SESN1: variants seen among roughly 807,000 people sequenced by gnomAD.
SESN1 encodes the protein sestrin-1.
SESN1 carries 30 observed loss-of-function variants against 59.3 expected under a neutral mutation model. The ratio of observed to expected loss-of-function variants is 0.51; its 90% CI spans 0.38 to 0.69. The LOEUF (loss-of-function observed/expected upper bound fraction) is 0.69, where lower values mean the gene tolerates loss of function less well. Ranked by LOEUF, SESN1 falls within the 30% of genes least tolerant of loss-of-function variation. The pLI, the probability that SESN1 is intolerant of heterozygous loss-of-function variation, is 0.00. For missense variants in SESN1, 566 were observed against 673.0 expected, an observed-to-expected ratio of 0.84 and a Z score of 1.76; for synonymous variants, 197 against 219.9, an observed-to-expected ratio of 0.90 and a Z score of 0.92.
chr6:109,022,385 T>A (rs1035361012), intron 1 of SESN1, among the ~76,000 whole-genome samples: 5 of 150,682 alleles, frequency 3.3e-5, no homozygotes, highest in Non-Finnish European at 7.4e-5. Context: ...CTAAAACATA[T>A]GTATGCATCA....
At chr6:109,023,984 C>G (rs1331217001) in intron 1 of SESN1, among the ~76,000 whole-genome samples, 1 of 152,088 alleles carries the variant, frequency 6.6e-6, no homozygotes, top group African/African-American at 2.4e-5. Context: ...CACACACACA[C>G]ACCCTTAAAA....
intron 1 of SESN1, among the ~76,000 whole-genome samples, chr6:109,005,001 G>A (rs1306682267): frequency 6.6e-6 from 1 of 152,166 alleles, no homozygotes; most frequent in Non-Finnish European, 1.5e-5. Flanking sequence ...ACAACCGCTA[G>A]GAAGGGCAAT....
At chr6:109,010,221 A>C (rs1779834286) in intron 1 of SESN1, among the ~76,000 whole-genome samples, 2 of 152,170 alleles carry the variant, frequency 1.3e-5, no homozygotes, top group African/African-American at 4.8e-5. Flanking sequence ...ATAAAGACAG[A>C]ATTTCAATCT....
intron 1 of SESN1, among the ~76,000 whole-genome samples, chr6:109,044,373 A>AAAGGAAGAAAGG (rs1241783960): frequency 6.6e-6 from 1 of 150,530 alleles, no homozygotes; most frequent in Non-Finnish European, 1.5e-5. Context: ...TTCAATGGAG[A>AAAGGAAGAAAGG]AAGGAAGAAA....
At chr6:109,079,177 T>C (rs1781078930) in intron 1 of SESN1, among the ~76,000 whole-genome samples, 1 of 135,796 alleles carries the variant, frequency 7.4e-6, no homozygotes, top group Non-Finnish European at 1.6e-5. Context: ...TATAAAGTTA[T>C]TTTTCTGTGC....
rs201096524 is a variant in SESN1 at position 109,093,504 on chromosome 6, G to GA, written c.279+290dup. 1.4e-3 allele frequency among the ~76,000 whole-genome samples: 201 copies of GA among 148,446 alleles called. 2 individuals carry two copies. Among genetic ancestry groups the GA allele is most frequent in the Admixed American group, 3.4e-3 (51 of 14,896 alleles). On this transcript the variant is annotated intron_variant, in intron 1 of 9. Transcript: ENST00000436639. ...TACACTCAGAACACTGTGACAATGTGAAAAAAAAACACTGGCTACATTTTC... is the reference window on the plus strand; with the variant it reads ...TACACTCAGAACACTGTGACAATGTGAAAAAAAAAACACTGGCTACATTTTC...
chr6:109,002,208 C>T (rs1779640547), intron 2 of SESN1, 70 bp downstream of exon 2: 1 of 1,355,812 alleles, frequency 7.4e-7, no homozygotes, highest in African/African-American at 1.4e-5. Flanking sequence ...CTTCAGATGC[C>T]AACATGTGGG....
At chr6:109,037,921 AATTCCATT>A (rs1359688409) in intron 1 of SESN1, among the ~76,000 whole-genome samples, 5 of 151,902 alleles carry the variant, frequency 3.3e-5, no homozygotes, top group African/African-American at 9.7e-5. Context: ...TAAGCTGACT[AATTCCATT>A]ATCTTTTGTT....
intron 1 of SESN1, among the ~76,000 whole-genome samples, chr6:109,005,123 T>C (rs1025301415): frequency 1.3e-5 from 2 of 152,228 alleles, no homozygotes; most frequent in Non-Finnish European, 2.9e-5. Context: ...CGTAAAAGGA[T>C]AACCACTGCA....
At chr6:108,993,587 C>T (rs1338242597) in intron 6 of SESN1, among the ~76,000 whole-genome samples, 1 of 152,126 alleles carries the variant, frequency 6.6e-6, no homozygotes, top group Non-Finnish European at 1.5e-5. Flanking sequence ...ATTATATTGT[C>T]AAAATACATC....
chr6:109,076,757 T>G (rs1351552944), intron 1 of SESN1, among the ~76,000 whole-genome samples: 1 of 152,226 alleles, frequency 6.6e-6, no homozygotes, highest in African/African-American at 2.4e-5. Flanking sequence ...AAACTGAGAA[T>G]AAAAGTTAAT....
intron 1 of SESN1, among the ~76,000 whole-genome samples, chr6:109,004,345 CAG>C (rs1484448041): frequency 6.6e-6 from 1 of 151,508 alleles, no homozygotes; most frequent in African/African-American, 2.4e-5. Flanking sequence ...CAAAAGTAAA[CAG>C]AAAGCTAGGA....
intron 1 of SESN1, among the ~76,000 whole-genome samples, chr6:109,025,060 C>A (rs572464070): frequency 6.6e-6 from 1 of 152,212 alleles, no homozygotes; most frequent in East Asian, 1.9e-4. Context: ...GCACAGAAAA[C>A]AGAAGGCAAA....
At chr6:108,995,843 TC>T (rs1779493773) in intron 5 of SESN1, among the ~76,000 whole-genome samples, 1 of 152,090 alleles carries the variant, frequency 6.6e-6, no homozygotes, top group South Asian at 2.1e-4. Context: ...AATTAATGTT[TC>T]CCCCCTTATA....
At position 108,994,602 on chromosome 6, in the gene SESN1, T is replaced by A; in HGVS notation, c.980A>T (p.Asp327Val). The change falls in exon 6 of 10, where the codon GAT (aspartate) becomes GTT (valine). Residue 327 changes from aspartate (D) to valine (V), a missense_variant. By Grantham distance (152) the Asp-to-Val change is radical. Coordinates refer to ENST00000436639, the MANE Select transcript of SESN1 (RefSeq NM_014454.3). ...GAGGGCTTCAACCTCAAAGAAAGAATCACTTACCTGAAGAAAAAATACAAT... is the reference window on the plus strand; with the variant it reads ...GAGGGCTTCAACCTCAAAGAAAGAAACACTTACCTGAAGAAAAAATACAAT... ...VNSAENVSVS[D>V]SFFEVEALME... 1 of 1,607,906 alleles carries A rather than the reference T, an allele frequency of 6.2e-7. No homozygotes were observed. The highest frequency in any genetic ancestry group is 8.5e-7 in the Non-Finnish European group (1 of 1,176,820).
intron 1 of SESN1, among the ~76,000 whole-genome samples, chr6:109,040,036 C>T (rs914129922): frequency 4.6e-5 from 7 of 152,130 alleles, no homozygotes; most frequent in Non-Finnish European, 7.4e-5. Context: ...TTAGGAACCA[C>T]GACTGGGAAA....
chr6:109,083,140 C>T (rs945888031), intron 1 of SESN1, among the ~76,000 whole-genome samples: 4 of 152,016 alleles, frequency 2.6e-5, no homozygotes, highest in Non-Finnish European at 4.4e-5. Flanking sequence ...TTTTTAGAAC[C>T]ATACCACAAG....
intron 1 of SESN1, among the ~76,000 whole-genome samples, chr6:109,033,814 C>T (rs1412650976): frequency 6.6e-6 from 1 of 152,140 alleles, no homozygotes; most frequent in Admixed American, 6.5e-5. Context: ...AAATTAAGAA[C>T]AAGCTTTTAG....
At chr6:109,076,273 G>C (rs1781031123) in intron 1 of SESN1, among the ~76,000 whole-genome samples, 1 of 152,156 alleles carries the variant, frequency 6.6e-6, no homozygotes, top group Non-Finnish European at 1.5e-5. Flanking sequence ...ATGCATACTG[G>C]CTGAATATCA....
Sources: allele counts gnomAD v4.1 joint callset (sites outside exome capture counted in the v4.1 genomes callset), GRCh38; gene constraint gnomAD v4.1.1; transcripts MANE v1.5; gene names NCBI Gene and HGNC (gene_info 2026-07-23, HGNC 2026-07-21).